The following HMCN2 variants were observed in gnomAD, a reference collection of about 807,000 sequenced individuals.
HMCN2 encodes the protein hemicentin 2.
In HMCN2, 325 loss-of-function variants were observed where a neutral mutation model predicts 377.5. That is an observed-to-expected ratio of 0.86 (90% confidence interval 0.79 to 0.94). HMCN2 has a LOEUF of 0.94. HMCN2 is among the 40% of genes least tolerant of loss of function. HMCN2 has a pLI of 0.00. For missense variants in HMCN2, 4,543 were observed against 4,725.3 expected (o/e 0.96, Z 1.13); for synonymous variants, 2,007 against 2,046.8 (o/e 0.98, Z 0.53).
chr9:130,273,124 T>A (rs1554921751), intron 1 of HMCN2, among the ~76,000 whole-genome samples: 1 of 151,354 alleles, frequency 6.6e-6, no homozygotes, highest in Non-Finnish European at 1.5e-5. Context: ...AGATTCAGGT[T>A]TTTTTTCTCA....
rs376544305 is a variant in HMCN2, at chr9:130,305,903, GT to G, written c.1817-224del. ...GAGCACAGGGCTCCGGGTTGGGATT[GT>G]TGGAAAATCAGCCTCCATGTTGCCT... On this transcript the variant is annotated intron_variant, in intron 11 of 97. Transcript: ENST00000683500. Among the ~76,000 whole-genome samples, 829 of 152,334 alleles carry G rather than the reference GT, an allele frequency of 5.4e-3. 7 individuals carry two copies. The highest frequency in any genetic ancestry group is 0.019 in the African/African-American group (786 of 41,578).
intron 7 of HMCN2, among the ~76,000 whole-genome samples, chr9:130,298,622 G>C (rs148298281): frequency 6.6e-6 from 1 of 152,136 alleles, no homozygotes; most frequent in Non-Finnish European, 1.5e-5. Context: ...ACCTGAACAC[G>C]GGGAGAGTCT....
At position 130,406,016 on chromosome 9, in the gene HMCN2, G is replaced by T; in HGVS notation, c.12401G>T (p.Arg4134Leu). Residue 4134 changes from arginine to leucine, a missense_variant, in exon 82 of 98, where the codon CGC becomes CTC. Coordinates refer to ENST00000683500, the MANE Select transcript of HMCN2 (RefSeq NM_001291815.2). ...AENAVGRARR[R>L]VHLTILVLPV... ...AACGCCGTGGGCCGGGCCCGCCGCC[G>T]CGTGCACCTCACCATCCTGGTACTG... 3 of 1,289,814 alleles carry T rather than the reference G, an allele frequency of 2.3e-6. No individual in the cohort carries two copies. Among genetic ancestry groups the T allele is most frequent in the Non-Finnish European group, 2.0e-6 (2 of 988,868 alleles). 79.9% of individuals were successfully genotyped at this position (1,289,814 alleles called of 1,614,324 possible). A position where few individuals can be genotyped will look rare whatever the true frequency, so the allele number is the denominator to read the frequency against.
chr9:130,391,391 AGGCGGTAG>A, intron 64 of HMCN2, 28 bp downstream of exon 64: 1 of 987,758 alleles, frequency 1.0e-6, no homozygotes, highest in Non-Finnish European at 1.2e-6. Flanking sequence ...CCCTCCCCAG[AGGCGGTAG>A]GGCCCATGTT....
Position 130,383,996 on chromosome 9 carries a change from AGCCT to A in HMCN2, c.8831-374_8831-371del, listed in dbSNP as rs573328830. ...GATTGGGGGGGTCTCACTGTCCCGG[AGCCT>A]GCACTCCTAACCTCTGCAACTCATG... On this transcript the variant is annotated intron_variant, in intron 57 of 97. Transcript: ENST00000683500. Among the ~76,000 whole-genome samples the A allele has an allele frequency of 3.4e-3, 518 of 152,210 alleles. 3 individuals carry two copies. Among genetic ancestry groups the A allele is most frequent in the African/African-American group, 0.01 (429 of 41,544 alleles).
chr9:130,279,596 G>A (rs1454974315), intron 1 of HMCN2, among the ~76,000 whole-genome samples: 2 of 152,034 alleles, frequency 1.3e-5, no homozygotes, highest in Admixed American at 6.6e-5. Flanking sequence ...CAATTCATCC[G>A]CCTGCCTGGG....
chr9:130,412,937 A>C (rs1843505228), intron 85 of HMCN2, among the ~76,000 whole-genome samples: 2 of 152,070 alleles, frequency 1.3e-5, no homozygotes, highest in Admixed American at 1.3e-4. Context: ...ATTTTGAGTT[A>C]ATCTTTGTGT....
Position 130,406,158 on chromosome 9 carries a change from G to GC in HMCN2, c.12545dup (p.Val4183SerfsTer7). The GC allele has an allele frequency of 7.8e-7, 1 of 1,289,858 alleles. No individual in the cohort carries two copies. The highest frequency in any genetic ancestry group is 1.2e-5 in the South Asian group (1 of 81,030). 79.9% of individuals were successfully genotyped at this position (1,289,858 alleles called of 1,614,324 possible). ...GCATTGGCTGGACTGTCAACGACCG[G>GC]CCAGTCACAGGTCTGGGTCTGCTGG... is the stretch of plus-strand genomic sequence containing the variant. On this transcript the variant is annotated frameshift_variant, in exon 82 of 98. Coordinates refer to ENST00000683500, the MANE Select transcript of HMCN2 (RefSeq NM_001291815.2). LOFTEE classifies it high-confidence loss of function.
chr9:130,427,924 A>G (rs1390167407), intron 92 of HMCN2, among the ~76,000 whole-genome samples: 2 of 152,208 alleles, frequency 1.3e-5, no homozygotes, highest in African/African-American at 4.8e-5. Flanking sequence ...AGCTCTCCCA[A>G]CACTCAGCAT....
rs1424078117 is a variant in HMCN2 at position 130,349,641 on chromosome 9, G to A, written c.4408G>A (p.Val1470Met). The A allele has an allele frequency of 2.3e-6, 3 of 1,303,986 alleles. No homozygotes were observed. The highest frequency in any genetic ancestry group is 3.0e-5 in the African/African-American group (2 of 65,872). The allele number at this position is 1,303,986 out of a possible 1,614,324, so 80.8% of individuals were successfully genotyped here. A position where few individuals can be genotyped will look rare whatever the true frequency, so the allele number is the denominator to read the frequency against. Residue 1470 changes from valine to methionine, a missense_variant, in exon 29 of 98, where the codon GTG (valine) becomes ATG (methionine). By Grantham distance (21) the Val-to-Met change is conservative. Transcript: ENST00000683500. ...CWTSGVPTPQVEWTKDRQPVL... is the reference protein window; with the variant it reads ...CWTSGVPTPQMEWTKDRQPVL... Reference sequence around the variant, plus strand: ...GACCTCAGGGGTCCCCACGCCCCAGGTGGAGTGGACCAAGGACAGGCAGTG... The same window carrying A: ...GACCTCAGGGGTCCCCACGCCCCAGATGGAGTGGACCAAGGACAGGCAGTG...
rs948362836 is a variant in HMCN2 at position 130,304,243 on chromosome 9, G to A, written c.1544-487G>A. On this transcript the variant is annotated intron_variant, in intron 10 of 97. Transcript: ENST00000683500. The surrounding 1 kb of genome is among the most constrained non-coding windows in gnomAD (Gnocchi z 4.3). ...TCTATGTTCAGCAGTCTCTGATCTT[G>A]CCACTTCTTGTGGCTTTTTGCTATC... Among the ~76,000 whole-genome samples, 1 of 152,100 alleles carries A rather than the reference G, an allele frequency of 6.6e-6. No homozygotes were observed. The highest frequency in any genetic ancestry group is 2.4e-5 in the African/African-American group (1 of 41,404).
intron 73 of HMCN2, among the ~76,000 whole-genome samples, chr9:130,396,640 C>T (rs1564853284): frequency 6.6e-6 from 1 of 152,176 alleles, no homozygotes; most frequent in African/African-American, 2.4e-5. Context: ...GGGAGAAACA[C>T]ACCCCCTGAC....
intron 59 of HMCN2, 129 bp downstream of exon 59, chr9:130,384,927 G>C (rs1841936304): frequency 3.8e-6 from 2 of 525,158 alleles, no homozygotes; most frequent in South Asian, 3.6e-5. Context: ...CGCCCGCACA[G>C]ATCAGCTCTG....
Position 130,295,668 on chromosome 9 carries a change from A to G in HMCN2, c.787A>G (p.Arg263Gly), listed in dbSNP as rs1554931780. 1 of 470,800 alleles carries G rather than the reference A, an allele frequency of 2.1e-6. No individual in the cohort carries two copies. Among genetic ancestry groups the G allele is most frequent in the Non-Finnish European group, 4.4e-6 (1 of 226,958 alleles). 29.2% of individuals were successfully genotyped at this position (470,800 alleles called of 1,614,324 possible). Residue 263 changes from arginine (R) to glycine (G), a missense_variant and splice_region_variant, in exon 6 of 98, where the codon AGG becomes GGG. Arg to Gly is a moderately radical substitution (Grantham distance 125). This residue lies in a region of HMCN2 where 547 missense variants were observed against 189.9 expected (regional missense o/e 2.88). Coordinates refer to ENST00000683500, the MANE Select transcript of HMCN2 (RefSeq NM_001291815.2). ...PEIEVQDPLG[R>G]ILQEDEGLNV... ...AGCAGCCCTTGGGGCTTCCACAGGG[A>G]GGATCCTGCAGGAGGACGAGGGCCT...
chr9:130,395,747 A>G (rs1198104039), intron 71 of HMCN2, among the ~76,000 whole-genome samples, 177 bp from the exon 72 acceptor site: 2 of 152,152 alleles, frequency 1.3e-5, no homozygotes, highest in Non-Finnish European at 2.9e-5. Context: ...TTCCTCCCAG[A>G]GGAGTGCATT....
Position 130,347,756 on chromosome 9 carries a change from C to T in HMCN2, c.4024+396C>T, listed in dbSNP as rs936097818. On this transcript the variant is annotated intron_variant, in intron 26 of 97. Coordinates refer to ENST00000683500, the MANE Select transcript of HMCN2 (RefSeq NM_001291815.2). The surrounding 1 kb of genome is among the most constrained non-coding windows in gnomAD (Gnocchi z 5.1). ...CTTGGCTGGGCATGGTGGCTTGCACCTGTAATCCTAGCACTTTGGGAGGCT... is the reference window on the plus strand; with the variant it reads ...CTTGGCTGGGCATGGTGGCTTGCACTTGTAATCCTAGCACTTTGGGAGGCT... 1.3e-5 allele frequency among the ~76,000 whole-genome samples: 2 copies of T among 152,168 alleles called. No individual in the cohort carries two copies. Among genetic ancestry groups the T allele is most frequent in the Admixed American group, 6.5e-5 (1 of 15,280 alleles).
chr9:130,410,517 G>A, intron 84 of HMCN2, 54 bp from the exon 85 acceptor site: 2 of 1,507,964 alleles, frequency 1.3e-6, no homozygotes, highest in Non-Finnish European at 1.8e-6. Flanking sequence ...AACTGTCTGA[G>A]CCACTCATCT....
chr9:130,301,805 G>A (rs1301321897), intron 8 of HMCN2, among the ~76,000 whole-genome samples: 1 of 152,244 alleles, frequency 6.6e-6, no homozygotes, highest in Non-Finnish European at 1.5e-5. Flanking sequence ...CACAAAGGTT[G>A]AGCCCTTGCC....
intron 19 of HMCN2, among the ~76,000 whole-genome samples, chr9:130,325,091 TTCTTC>T (rs1838058967): frequency 2.9e-5 from 2 of 69,098 alleles, no homozygotes; most frequent in African/African-American, 9.1e-5. Context: ...CTTCTTCTTC[TTCTTC>T]TTTTTTTTTT....
Sources: allele counts gnomAD v4.1 joint callset (sites outside exome capture counted in the v4.1 genomes callset), GRCh38; gene constraint gnomAD v4.1.1; regional missense constraint gnomAD v4.1.1; non-coding constraint Gnocchi (gnomAD v3.1); transcripts MANE v1.5; gene names NCBI Gene and HGNC (gene_info 2026-07-23, HGNC 2026-07-21).